Variants in HEATR5A observed in about 807,000 individuals in gnomAD.
The protein encoded by HEATR5A is HEAT repeat-containing protein 5A.
Under a neutral mutation model 218.8 loss-of-function variants are expected in HEATR5A, and 178 were observed. The ratio of observed to expected loss-of-function variants is 0.81; its 90% CI spans 0.72 to 0.92. The LOEUF is 0.92. HEATR5A is among the 40% of genes least tolerant of loss of function. The probability of loss-of-function intolerance (pLI) is 0.00; values close to 1 mark genes in which losing one functional copy is unlikely to be tolerated. For missense variants in HEATR5A, 2,420 were observed against 2,418.9 expected, an observed-to-expected ratio of 1.00 and a Z score of -0.01; for synonymous variants, 864 against 871.6, an observed-to-expected ratio of 0.99 and a Z score of 0.15.
intron 14 of HEATR5A, among the ~76,000 whole-genome samples, chr14:31,362,736 C>T (rs1224212727): frequency 6.8e-6 from 1 of 146,808 alleles, no homozygotes; most frequent in Non-Finnish European, 1.5e-5. Context: ...CATGATCACA[C>T]AACTGCACTC....
At chr14:31,294,709 C>A (rs1207078601) in intron 34 of HEATR5A, among the ~76,000 whole-genome samples, 2 of 152,016 alleles carry the variant, frequency 1.3e-5, no homozygotes, top group Admixed American at 1.3e-4. Flanking sequence ...CCGTGCCCAA[C>A]CTCCTAACAT....
chr14:31,362,443 T>C (rs928371952), intron 14 of HEATR5A, among the ~76,000 whole-genome samples: 2 of 151,378 alleles, frequency 1.3e-5, no homozygotes, highest in African/African-American at 4.9e-5. Context: ...CTTTTTCCTC[T>C]AATTCAAGTT....
intron 31 of HEATR5A, among the ~76,000 whole-genome samples, chr14:31,305,559 G>A (rs1032807633): frequency 2.0e-5 from 3 of 152,070 alleles, no homozygotes; most frequent in African/African-American, 4.8e-5. Flanking sequence ...CACTGCGCCC[G>A]GCCAGGAAAT....
At chr14:31,298,840 C>T (rs1899274610) in intron 33 of HEATR5A, among the ~76,000 whole-genome samples, 1 of 152,094 alleles carries the variant, frequency 6.6e-6, no homozygotes, top group African/African-American at 2.4e-5. Context: ...CTTGACCTTA[C>T]ACTTTCCATT....
Position 31,395,230 on chromosome 14 carries a change from C to CT in HEATR5A, c.565dup (p.Arg189LysfsTer15), listed in dbSNP as rs2139296154. On this transcript the variant is annotated frameshift_variant, in exon 5 of 36. Transcript: ENST00000543095. LOFTEE classifies it high-confidence loss of function. ...AGCAGCACAACGAACAGCCATGGATCTATCTGTCAAGCAGGATCTAGCAGC... is the reference window on the plus strand; with the variant it reads ...AGCAGCACAACGAACAGCCATGGATCTTATCTGTCAAGCAGGATCTAGCAGC... The CT allele has an allele frequency of 6.5e-7, 1 of 1,533,192 alleles. No homozygotes were observed. Among genetic ancestry groups the CT allele is most frequent in the African/African-American group, 1.4e-5 (1 of 73,122 alleles). The allele number at this position is 1,533,192 out of a possible 1,614,324, so 95.0% of individuals were successfully genotyped here.
rs376003969 is a variant in HEATR5A, at chr14:31,302,547, C to T, written c.5240-28G>A. The T allele has an allele frequency of 4.2e-6, 6 of 1,418,026 alleles. No homozygotes were observed. In the African/African-American group the frequency reaches 4.3e-5, roughly 10 times the overall value. The allele number at this position is 1,418,026 out of a possible 1,614,324, so 87.8% of individuals were successfully genotyped here. A position where few individuals can be genotyped will look rare whatever the true frequency, so the allele number is the denominator to read the frequency against. On this transcript the variant is annotated intron_variant, in intron 32 of 35. Transcript: ENST00000543095. ...GTAAGATACATTTTTTAAAAACACACTGGATTTCAACCTATATATATGGTT... is the reference window on the plus strand; with the variant it reads ...GTAAGATACATTTTTTAAAAACACATTGGATTTCAACCTATATATATGGTT...
chr14:31,401,646 C>T (rs2030881998), intron 2 of HEATR5A, among the ~76,000 whole-genome samples: 1 of 152,194 alleles, frequency 6.6e-6, no homozygotes, highest in African/African-American at 2.4e-5. Context: ...CTGCTTCAGC[C>T]TACCATGTAA....
At chr14:31,388,503 T>C (rs1021877597) in intron 7 of HEATR5A, among the ~76,000 whole-genome samples, 1 of 152,200 alleles carries the variant, frequency 6.6e-6, no homozygotes, top group Non-Finnish European at 1.5e-5. Flanking sequence ...ATGTATGTAA[T>C]AGCTTAAATC....
intron 4 of HEATR5A, among the ~76,000 whole-genome samples, chr14:31,396,012 C>T (rs1475401080): frequency 6.6e-6 from 1 of 152,026 alleles, no homozygotes; most frequent in African/African-American, 2.4e-5. Flanking sequence ...AGATGAACCT[C>T]ATGGGTAAAC....
intron 1 of HEATR5A, among the ~76,000 whole-genome samples, chr14:31,406,146 T>C (rs543636874): frequency 6.6e-6 from 1 of 152,320 alleles, no homozygotes; most frequent in Admixed American, 6.5e-5. Flanking sequence ...ATTCAGTCAA[T>C]GTTATCTGCT....
chr14:31,330,293 T>C (rs1401471175), intron 22 of HEATR5A, among the ~76,000 whole-genome samples: 1 of 152,176 alleles, frequency 6.6e-6, no homozygotes, highest in African/African-American at 2.4e-5. Context: ...TCTGAAGCAA[T>C]GGCCTGAGCT....
Position 31,344,268 on chromosome 14 carries a change from C to CTTTTTTTTTTTTTTTTTTTTTTTTTTT in HEATR5A, c.3059-230_3059-204dup, listed in dbSNP as rs577497140. 1.4e-4 allele frequency among the ~76,000 whole-genome samples: 7 copies of CTTTTTTTTTTTTTTTTTTTTTTTTTTT among 50,832 alleles called. 1 individual carries two copies. The highest frequency in any genetic ancestry group is 2.6e-4 in the Non-Finnish European group (7 of 27,198). 33.3% of individuals were successfully genotyped at this position (50,832 alleles called of 152,430 possible). A position where few individuals can be genotyped will look rare whatever the true frequency, so the allele number is the denominator to read the frequency against. ...GTTACAGATTGTTAGATTAGTTATTCTTTTTTTTTTTTTTTTTTTTTTTTT... is the reference window on the plus strand; with the variant it reads ...GTTACAGATTGTTAGATTAGTTATTCTTTTTTTTTTTTTTTTTTTTTTTTTTTTTTTTTTTTTTTTTTTTTTTTTTTT... On this transcript the variant is annotated intron_variant, in intron 20 of 35. Transcript: ENST00000543095.
At chr14:31,382,141 A>G (rs930014651) in intron 10 of HEATR5A, among the ~76,000 whole-genome samples, 2 of 152,262 alleles carry the variant, frequency 1.3e-5, no homozygotes, top group Non-Finnish European at 2.9e-5. Context: ...TAATATGGGA[A>G]TGGGAACCTT....
At chr14:31,303,098 G>A (rs1187278959) in intron 32 of HEATR5A, among the ~76,000 whole-genome samples, 1 of 151,148 alleles carries the variant, frequency 6.6e-6, no homozygotes, top group Non-Finnish European at 1.5e-5. Flanking sequence ...GGCACAGAGT[G>A]AGACCCTGTC....
rs1899506925 is a variant in HEATR5A at position 31,304,925 on chromosome 14, G to A, written c.5219C>T (p.Pro1740Leu). Residue 1740 changes from proline to leucine, a missense_variant, in exon 32 of 36, where the codon CCT (proline) becomes CTT (leucine). Physicochemically the swap from Pro to Leu is moderately conservative, Grantham distance 98. Coordinates refer to ENST00000543095, the MANE Select transcript of HEATR5A (RefSeq NM_015473.4). ...SAALVILSEL[P>L]AVCSPEGSIS... The stretch of plus-strand genomic sequence containing the variant: ...CATACCTTCAGGAGAGCACACTGCA[G>A]GAAGTTCGGAAAGGATAACCAATGC... The A allele has an allele frequency of 1.2e-6, 2 of 1,613,944 alleles. No individual in the cohort carries two copies. The highest frequency in any genetic ancestry group is 1.7e-6 in the Non-Finnish European group (2 of 1,179,866).
At chr14:31,358,465 A>T (rs1407884511) in intron 16 of HEATR5A, among the ~76,000 whole-genome samples, 172 bp downstream of exon 16, 1 of 152,142 alleles carries the variant, frequency 6.6e-6, no homozygotes, top group East Asian at 1.9e-4. Flanking sequence ...GGTTTTAGGC[A>T]TTTAATCATT....
intron 11 of HEATR5A, among the ~76,000 whole-genome samples, chr14:31,379,985 G>T (rs2029918109): frequency 6.6e-6 from 1 of 152,162 alleles, no homozygotes; most frequent in Admixed American, 6.6e-5. Flanking sequence ...AAATAGTCAT[G>T]ACTGTAAAAC....
At chr14:31,397,304 G>T (rs1401468017) in intron 4 of HEATR5A, among the ~76,000 whole-genome samples, 2 of 152,006 alleles carry the variant, frequency 1.3e-5, no homozygotes, top group Non-Finnish European at 2.9e-5. Flanking sequence ...TAAATAAAGT[G>T]ACAAGAGTAA....
At chr14:31,333,863 C>A (rs183099181) in intron 22 of HEATR5A, among the ~76,000 whole-genome samples, 148 of 143,930 alleles carry the variant, frequency 1.0e-3, no homozygotes, top group Middle Eastern at 3.6e-3. Flanking sequence ...GAGACCCCAT[C>A]TCTACAAAAA....
Sources: gnomAD v4.1 joint callset for allele counts (sites outside exome capture counted in the v4.1 genomes callset) on GRCh38, gnomAD v4.1.1 for gene constraint, MANE v1.5 for transcripts, NCBI Gene and HGNC (gene_info 2026-07-23, HGNC 2026-07-21) for gene names.